Variants in ABCA1 observed in about 807,000 individuals in gnomAD.
The protein encoded by ABCA1 is phospholipid-transporting ATPase ABCA1.
A neutral mutation model predicts 262.5 loss-of-function variants in ABCA1; 133 were observed. The observed-to-expected ratio is 0.51, with a 90% confidence interval of 0.44 to 0.59. ABCA1 has a LOEUF of 0.59. Among genes scored for constraint, ABCA1 ranks in the 20% least tolerant of loss-of-function variants. ABCA1 has a pLI of 0.00. For synonymous variants in ABCA1, 1,022 were observed against 1,043.5 expected, an observed-to-expected ratio of 0.98 and a Z score of 0.40; for missense variants, 2,452 against 2,777.5, an observed-to-expected ratio of 0.88 and a Z score of 2.63.
chr9:104,808,993 A>G (rs751734440), intron 30 of ABCA1, among the ~76,000 whole-genome samples: 2 of 152,240 alleles, frequency 1.3e-5, no homozygotes, highest in Non-Finnish European at 2.9e-5. Context: ...GTTTTGAAGG[A>G]AAGTACAATA....
chr9:104,788,198 G>C lies in ABCA1; in HGVS notation c.6070-144C>G, dbSNP rs1829094365. On this transcript the variant is annotated intron_variant, in intron 45 of 49. Transcript: ENST00000374736. ...TGACAACTGGTGAGGAGCCAAAGCA[G>C]GGAGAAGGGACTCGTGTGGTGGGAG... 5 of 1,173,498 alleles carry C rather than the reference G, an allele frequency of 4.3e-6. No homozygotes were observed. In the East Asian group the frequency reaches 9.4e-5, roughly 22 times the overall value. 72.7% of individuals were successfully genotyped at this position (1,173,498 alleles called of 1,614,324 possible).
rs1033439149 is a variant in ABCA1, at chr9:104,818,809, G to A, written c.3316C>T (p.His1106Tyr). Residue 1106 changes from histidine (H) to tyrosine (Y), a missense_variant, in exon 23 of 50, where the codon CAT becomes TAT. Physicochemically the swap from His to Tyr is moderately conservative, Grantham distance 83 (BLOSUM62 2). This residue lies in a region of ABCA1 where 665 missense variants were observed against 727.3 expected (regional missense o/e 0.91). Transcript: ENST00000374736. ...GAGCCCACACAGCACAGCTTCCCAT[G>A]GGAGATGATGGCAATCCTGTCCCCC... Reference protein sequence around the residue: ...VLGDRIAIISHGKLCCVGSSL... With the variant: ...VLGDRIAIISYGKLCCVGSSL... The A allele has an allele frequency of 3.1e-6, 5 of 1,613,956 alleles. No homozygotes were observed. Among genetic ancestry groups the A allele is most frequent in the Admixed American group, 3.3e-5 (2 of 60,012 alleles).
intron 1 of ABCA1, among the ~76,000 whole-genome samples, chr9:104,925,840 A>C (rs1191425072): frequency 6.6e-6 from 1 of 152,154 alleles, no homozygotes; most frequent in Non-Finnish European, 1.5e-5. Flanking sequence ...AAAGTTTCTC[A>C]AGAGAATGAT....
Position 104,837,551 on chromosome 9 carries a change from A to G in ABCA1, c.1071T>C (p.Asp357=), listed in dbSNP as rs761688507. The change falls in exon 10 of 50, where the codon GAT becomes GAC. Residue 357 remains aspartate (D), a synonymous_variant. Coordinates refer to ENST00000374736, the MANE Select transcript of ABCA1 (RefSeq NM_005502.4). ...YDNSTTPYCN[D]LMKNLESSPL... ...GACTAGACTCCAAATTCTTCATCAA[A>G]TCATTGCAGTAAGGAGCTATGAAGA... The G allele has an allele frequency of 1.6e-5, 26 of 1,614,066 alleles. No homozygotes were observed. In the East Asian group the frequency reaches 5.8e-4, roughly 36 times the overall value.
At chr9:104,865,916 G>C (rs1370690662) in intron 5 of ABCA1, among the ~76,000 whole-genome samples, 34 of 152,176 alleles carry the variant, frequency 2.2e-4, no homozygotes, top group Admixed American at 2.2e-3. Context: ...GGGAGATAAA[G>C]AGGCAAATCA....
chr9:104,857,032 C>A (rs1259476613), intron 7 of ABCA1, among the ~76,000 whole-genome samples: 1 of 152,040 alleles, frequency 6.6e-6, no homozygotes, highest in Non-Finnish European at 1.5e-5. Flanking sequence ...GGACCAGGCA[C>A]GGTGACTCAT....
intron 1 of ABCA1, among the ~76,000 whole-genome samples, chr9:104,918,062 T>A (rs1841945364): frequency 6.6e-6 from 1 of 152,206 alleles, no homozygotes; most frequent in Admixed American, 6.5e-5. Context: ...GCTACCTATC[T>A]CAGAGTTCCA....
At chr9:104,845,398 G>A in intron 8 of ABCA1, 79 bp downstream of exon 8, 1 of 958,982 alleles carries the variant, frequency 1.0e-6, no homozygotes, top group South Asian at 1.3e-5. Flanking sequence ...AACTCAAAAG[G>A]ACCTCTTGCC....
chr9:104,790,803 T>C (rs981995880), intron 44 of ABCA1, 119 bp downstream of exon 44: 9 of 739,814 alleles, frequency 1.2e-5, no homozygotes, highest in Admixed American at 4.1e-5. Flanking sequence ...CCCTTTACTA[T>C]ATTTCAACAT....
chr9:104,845,827 TAA>T (rs1834820505), intron 7 of ABCA1, among the ~76,000 whole-genome samples: 1 of 152,176 alleles, frequency 6.6e-6, no homozygotes, highest in Admixed American at 6.5e-5. Flanking sequence ...TGCAATAGAT[TAA>T]AAGGATCTCA....
At position 104,786,863 on chromosome 9, in the gene ABCA1, T is replaced by C. The variant is rs1828977848; in HGVS notation, c.6308+10A>G. On this transcript the variant is annotated intron_variant, in intron 47 of 49. Coordinates refer to ENST00000374736, the MANE Select transcript of ABCA1 (RefSeq NM_005502.4). ...TCCCACAGTGAGGAACCCAAGACTTTACTACGGACCTATGAGATGTAAGCA... is the reference window on the plus strand; with the variant it reads ...TCCCACAGTGAGGAACCCAAGACTTCACTACGGACCTATGAGATGTAAGCA... 1 of 1,609,432 alleles carries C rather than the reference T, an allele frequency of 6.2e-7. No homozygotes were observed. Among genetic ancestry groups the C allele is most frequent in the Non-Finnish European group, 8.5e-7 (1 of 1,175,842 alleles).
chr9:104,786,146 C>A, intron 48 of ABCA1, 152 bp downstream of exon 48: 1 of 682,924 alleles, frequency 1.5e-6, no homozygotes, highest in Non-Finnish European at 2.5e-6. Context: ...AATTTGAATG[C>A]AGTTCGGACT....
rs748456783 is a variant in ABCA1, at chr9:104,821,367, G to T, written c.2960+8C>A. 6.2e-7 allele frequency: 1 copy of T among 1,613,986 alleles called. No individual in the cohort carries two copies. The highest frequency in any genetic ancestry group is 1.7e-5 in the Admixed American group (1 of 60,022). The stretch of plus-strand genomic sequence containing the variant: ...AAGGCCTATTCTTAACGTGCTGCTG[G>T]TACTCACATGTCAAACAGCACGTTA... On this transcript the variant is annotated splice_region_variant and intron_variant, in intron 20 of 49. Coordinates refer to ENST00000374736, the MANE Select transcript of ABCA1 (RefSeq NM_005502.4).
At chr9:104,790,864 T>C in intron 44 of ABCA1, 58 bp downstream of exon 44, 1 of 1,212,750 alleles carries the variant, frequency 8.2e-7, no homozygotes, top group South Asian at 1.2e-5. Flanking sequence ...AACCTATTTC[T>C]TTAAATAAAT....
chr9:104,887,722 C>CTTTTTTT (rs56828334), intron 3 of ABCA1, among the ~76,000 whole-genome samples: 9 of 98,850 alleles, frequency 9.1e-5, no homozygotes, highest in East Asian at 3.1e-4. Context: ...TCAGTTTATG[C>CTTTTTTT]TTTTTTTTTT....
intron 5 of ABCA1, among the ~76,000 whole-genome samples, chr9:104,877,569 C>T (rs1232636904): frequency 2.0e-5 from 3 of 152,218 alleles, no homozygotes; most frequent in Admixed American, 6.5e-5. Flanking sequence ...CCAGAGAGGC[C>T]GAACAAGTGG....
intron 25 of ABCA1, 97 bp from the exon 26 acceptor site, chr9:104,814,572 C>A: frequency 8.2e-7 from 1 of 1,221,756 alleles, no homozygotes; most frequent in South Asian, 1.2e-5. Context: ...CATGTTAGCC[C>A]CGTAAGACAG....
chr9:104,904,399 C>T (rs1840929298), intron 1 of ABCA1, among the ~76,000 whole-genome samples: 1 of 152,036 alleles, frequency 6.6e-6, no homozygotes, highest in African/African-American at 2.4e-5. Context: ...GAAACCCCGT[C>T]TCTACTAAAA....
chr9:104,817,465 C>A lies in ABCA1; in HGVS notation c.3463-61G>T. 1 of 1,574,948 alleles carries A rather than the reference C, an allele frequency of 6.3e-7. No individual in the cohort carries two copies. The highest frequency in any genetic ancestry group is 8.7e-7 in the Non-Finnish European group (1 of 1,145,510). ...ACGGAGCAAGGCAGAGCCACCAGCA[C>A]CTTCGCCGGGGAGGGCTTCCAAGAA... is the stretch of plus-strand genomic sequence containing the variant. On this transcript the variant is annotated intron_variant, in intron 23 of 49. Transcript: ENST00000374736. The surrounding 1 kb of genome is among the most constrained non-coding windows in gnomAD (Gnocchi z 4.7).
Sources: gnomAD v4.1 joint callset for allele counts (sites outside exome capture counted in the v4.1 genomes callset) on GRCh38, gnomAD v4.1.1 for gene constraint, gnomAD v4.1.1 regional missense constraint, Gnocchi (gnomAD v3.1) non-coding constraint, MANE v1.5 for transcripts, NCBI Gene and HGNC (gene_info 2026-07-23, HGNC 2026-07-21) for gene names.